The following POPDC1 variants were observed in gnomAD, a reference collection of about 807,000 sequenced individuals.
POPDC1 encodes popeye domain cAMP effector 1.
the POPDC1 span, among the ~76,000 whole-genome samples, chr6:105,126,899 T>C: frequency 6.6e-6 from 1 of 152,206 alleles, no homozygotes; most frequent in Non-Finnish European, 1.5e-5. Context: ...TAAAATGAAC[T>C]CTGTAAAATG....
chr6:105,118,057 G>A, the POPDC1 span, among the ~76,000 whole-genome samples: 52 of 152,176 alleles, frequency 3.4e-4, no homozygotes, highest in Non-Finnish European at 6.2e-4. Context: ...TGACAAGCGC[G>A]AGACCTCATC....
the POPDC1 span, among the ~76,000 whole-genome samples, chr6:105,127,100 G>A: frequency 6.6e-6 from 1 of 152,188 alleles, no homozygotes; most frequent in Admixed American, 6.5e-5. Context: ...GGCACTATAC[G>A]AAGCCTATAG....
chr6:105,115,905 C>G, the POPDC1 span: 1 of 1,461,236 alleles, frequency 6.8e-7, no homozygotes, highest in East Asian at 2.3e-5. Context: ...ATGTACTTTT[C>G]CTAGAAATAC....
chr6:105,124,543 A>G, the POPDC1 span: 29 of 1,572,738 alleles, frequency 1.8e-5, no homozygotes, highest in Non-Finnish European at 2.5e-5. Context: ...ATGTGAAAAC[A>G]TACCTGGAAT....
At chr6:105,103,375 C>T in the POPDC1 span, among the ~76,000 whole-genome samples, 1 of 151,908 alleles carries the variant, frequency 6.6e-6, no homozygotes, top group Non-Finnish European at 1.5e-5. Flanking sequence ...CATCATTGCT[C>T]ATAAGAATGG....
the POPDC1 span, among the ~76,000 whole-genome samples, chr6:105,104,492 AG>A: frequency 6.6e-6 from 1 of 152,162 alleles, no homozygotes; most frequent in Non-Finnish European, 1.5e-5. Context: ...AAGGCCACAT[AG>A]GGAACCTCAG....
chr6:105,109,750 T>C, the POPDC1 span, among the ~76,000 whole-genome samples: 1 of 7,690 alleles, frequency 1.3e-4, no homozygotes, highest in Non-Finnish European at 8.9e-4. Context: ...GATGACAGAG[T>C]GAGACCCTTT....
the POPDC1 span, among the ~76,000 whole-genome samples, chr6:105,110,098 G>C: frequency 2.6e-5 from 4 of 152,282 alleles, no homozygotes; most frequent in South Asian, 8.3e-4. Context: ...GCATGAGAGA[G>C]CACAGCCTCT....
chr6:105,130,156 T>TA, the POPDC1 span, among the ~76,000 whole-genome samples: 1 of 152,198 alleles, frequency 6.6e-6, no homozygotes, highest in East Asian at 1.9e-4. Flanking sequence ...AATTCTGCCT[T>TA]ACAGAGTTTT....
At chr6:105,100,976 A>C in the POPDC1 span, 5 of 1,265,140 alleles carry the variant, frequency 4.0e-6, no homozygotes, top group Non-Finnish European at 5.4e-6. Context: ...CTCCGACTCC[A>C]CCAGTCTGGA....
the POPDC1 span, chr6:105,124,504 G>A: frequency 1.5e-6 from 2 of 1,340,786 alleles, no homozygotes; most frequent in Admixed American, 1.7e-5. Context: ...TGAATGAGAT[G>A]CAAACTAGTT....
the POPDC1 span, chr6:105,100,299 G>A: frequency 1.3e-5 from 2 of 151,824 alleles, no homozygotes; most frequent in East Asian, 3.9e-4. Flanking sequence ...CACGAGGTCA[G>A]GAGATCGAGA....
chr6:105,131,441 T>G, the POPDC1 span, among the ~76,000 whole-genome samples: 1 of 152,080 alleles, frequency 6.6e-6, no homozygotes, highest in Non-Finnish European at 1.5e-5. Flanking sequence ...TTTTAAAATT[T>G]TTTTTTCTTT....
At chr6:105,115,126 G>T in the POPDC1 span, among the ~76,000 whole-genome samples, 1 of 152,174 alleles carries the variant, frequency 6.6e-6, no homozygotes, top group Non-Finnish European at 1.5e-5. Flanking sequence ...TCGCTCTGTC[G>T]CCCAGGCTGG....
At chr6:105,104,470 TC>T in the POPDC1 span, among the ~76,000 whole-genome samples, 1 of 151,736 alleles carries the variant, frequency 6.6e-6, no homozygotes, top group African/African-American at 2.4e-5. Context: ...GATGAAAAAA[TC>T]CCTCCTCTGA....
chr6:105,131,877 A>T, the POPDC1 span, among the ~76,000 whole-genome samples: 1 of 151,524 alleles, frequency 6.6e-6, no homozygotes, highest in Non-Finnish European at 1.5e-5. Context: ...CTACTGCTGT[A>T]ATCCTCACCT....
At chr6:105,101,119 TG>T in the POPDC1 span, 1 of 1,613,720 alleles carries the variant, frequency 6.2e-7, no homozygotes, top group Non-Finnish European at 8.5e-7. Context: ...TCAATGTATT[TG>T]GAGATGCCGG....
chr6:105,125,688 C>T, the POPDC1 span: 37 of 1,023,106 alleles, frequency 3.6e-5, no homozygotes, highest in African/African-American at 5.4e-4. Context: ...TGATATATAC[C>T]ATCACCCTTC....
At chr6:105,120,534 C>T in the POPDC1 span, among the ~76,000 whole-genome samples, 1 of 152,176 alleles carries the variant, frequency 6.6e-6, no homozygotes, top group Non-Finnish European at 1.5e-5. Context: ...ATGCTTGAGT[C>T]CTTGTGAAGA....
Sources: allele counts gnomAD v4.1 joint callset (sites outside exome capture counted in the v4.1 genomes callset), GRCh38; gene constraint gnomAD v4.1.1; transcripts MANE v1.5; gene names NCBI Gene and HGNC (gene_info 2026-07-23, HGNC 2026-07-21).